The following NFATC3 variants were observed in gnomAD, a reference collection of about 807,000 sequenced individuals.
NFATC3 encodes nuclear factor of activated T-cells, cytoplasmic 3.
In NFATC3, 46 loss-of-function variants were observed where a neutral mutation model predicts 98.6. That is an observed-to-expected ratio of 0.47 (90% CI 0.37 to 0.60). The LOEUF is 0.60. Ranked by LOEUF, NFATC3 falls within the 20% of genes least tolerant of loss-of-function variation. The pLI is 0.00. For synonymous variants in NFATC3, 512 were observed against 472.2 expected (o/e 1.08, Z -1.09); for missense variants, 1,256 against 1,295.5 (o/e 0.97, Z 0.47).
At position 68,157,982 on chromosome 16, in the gene NFATC3, A is replaced by C. The variant is rs367576376; in HGVS notation, c.1515A>C (p.Thr505=). Residue 505 remains threonine, a synonymous_variant, in exon 4 of 10, where the codon ACA becomes ACC. Coordinates refer to ENST00000346183, the MANE Select transcript of NFATC3 (RefSeq NM_173165.3). The part of the protein sequence containing the change: ...FYQVHRITGK[T]VATASQEIII... Reference sequence around the variant, plus strand: ...AGGTGCATCGAATCACTGGGAAGACAGTCGCTACTGCAAGCCAAGAGATAA... The same window carrying C: ...AGGTGCATCGAATCACTGGGAAGACCGTCGCTACTGCAAGCCAAGAGATAA... The C allele has an allele frequency of 8.7e-6, 14 of 1,613,994 alleles. No homozygotes were observed. Among genetic ancestry groups the C allele is most frequent in the Admixed American group, 1.7e-5 (1 of 59,994 alleles).
intron 9 of NFATC3, among the ~76,000 whole-genome samples, chr16:68,220,594 CT>C (rs575448565): frequency 3.0e-3 from 414 of 139,374 alleles, no homozygotes; most frequent in Non-Finnish European, 3.6e-3. Flanking sequence ...TTTATTTTTC[CT>C]TTTTTTTTTT....
chr16:68,117,081 A>T (rs2036318106), intron 1 of NFATC3, among the ~76,000 whole-genome samples: 1 of 152,162 alleles, frequency 6.6e-6, no homozygotes. Flanking sequence ...ATATTATGGG[A>T]TCTAAAATTG....
intron 1 of NFATC3, chr16:68,089,016 T>C (rs2034559145): frequency 5.1e-6 from 5 of 985,474 alleles, no homozygotes; most frequent in Non-Finnish European, 6.0e-6. Context: ...GAATCATTGC[T>C]CACTGCTCTT....
chr16:68,167,110 T>C, intron 5 of NFATC3, 95 bp downstream of exon 5: 1 of 1,279,068 alleles, frequency 7.8e-7, no homozygotes, highest in Non-Finnish European at 1.1e-6. Context: ...AAGTGCAAAC[T>C]GAGGCATACA....
At chr16:68,207,683 G>A (rs2041207697) in intron 9 of NFATC3, among the ~76,000 whole-genome samples, 2 of 152,104 alleles carry the variant, frequency 1.3e-5, no homozygotes, top group South Asian at 4.1e-4. Flanking sequence ...ACACTGATCT[G>A]TCTTCTGACC....
chr16:68,194,282 C>T (rs2040567322), intron 9 of NFATC3, among the ~76,000 whole-genome samples: 1 of 152,152 alleles, frequency 6.6e-6, no homozygotes, highest in African/African-American at 2.4e-5. Context: ...CAAGGTTTTT[C>T]TAATTCCTGG....
chr16:68,176,474 A>G (rs2039713437), intron 6 of NFATC3, among the ~76,000 whole-genome samples: 1 of 151,908 alleles, frequency 6.6e-6, no homozygotes, highest in African/African-American at 2.4e-5. Flanking sequence ...TCACTACTAT[A>G]AAGTTTTTCG....
intron 1 of NFATC3, among the ~76,000 whole-genome samples, chr16:68,112,418 C>T (rs951010073): frequency 4.0e-5 from 6 of 151,096 alleles, no homozygotes; most frequent in South Asian, 2.1e-4. Flanking sequence ...GCTGGGACTA[C>T]AGGCACACAC....
At chr16:68,108,911 T>C (rs1161699233) in intron 1 of NFATC3, among the ~76,000 whole-genome samples, 4 of 152,202 alleles carry the variant, frequency 2.6e-5, no homozygotes, top group Admixed American at 6.6e-5. Flanking sequence ...CTTGTGACTT[T>C]TGCACATTGA....
chr16:68,124,241 A>G lies in NFATC3; in HGVS notation c.1238+1120A>G, dbSNP rs537158496. Among the ~76,000 whole-genome samples, 7 of 152,030 alleles carry G rather than the reference A, an allele frequency of 4.6e-5. No individual in the cohort carries two copies. The South Asian group carries it at 1.5e-3, about 32-fold the overall frequency. On this transcript the variant is annotated intron_variant, in intron 2 of 9. Transcript: ENST00000346183. ...CTCAGGCTCCTGAGTGGCTGGGACT[A>G]TAGGCGTATACCACCACACTCAATT...
At chr16:68,204,548 T>C (rs927596518) in intron 9 of NFATC3, among the ~76,000 whole-genome samples, 1 of 152,224 alleles carries the variant, frequency 6.6e-6, no homozygotes, top group South Asian at 2.1e-4. Context: ...CCCAGCGTTA[T>C]ATGGCCACAA....
Position 68,191,493 on chromosome 16 carries a change from C to A in NFATC3, c.2824C>A (p.Pro942Thr). Residue 942 changes from proline to threonine, a missense_variant, in exon 9 of 10, where the codon CCA becomes ACA. Physicochemically the swap from Pro to Thr is conservative, Grantham distance 38. Coordinates refer to ENST00000346183, the MANE Select transcript of NFATC3 (RefSeq NM_173165.3). ...CTTGGCTAGTTCACCGCTTTCTGGGCCACCATCTCCTCAGCTTCAGCCTAT... is the reference window on the plus strand; with the variant it reads ...CTTGGCTAGTTCACCGCTTTCTGGGACACCATCTCCTCAGCTTCAGCCTAT... ...HPLASSPLSGPPSPQLQPMPY... is the reference protein window; with the variant it reads ...HPLASSPLSGTPSPQLQPMPY... 6.2e-7 allele frequency: 1 copy of A among 1,614,132 alleles called. No homozygotes were observed. The highest frequency in any genetic ancestry group is 8.5e-7 in the Non-Finnish European group (1 of 1,180,040).
rs747512112 is a variant in NFATC3, at chr16:68,126,425, ATC to A, written c.1239-21_1239-20del. ...TGGCAATAATAGCATGGTGACATGCATCTTTGTGTGTTTTGTTTGTAGCACAT... is the reference window on the plus strand; with the variant it reads ...TGGCAATAATAGCATGGTGACATGCATTTGTGTGTTTTGTTTGTAGCACAT... On this transcript the variant is annotated intron_variant, in intron 2 of 9. Coordinates refer to ENST00000346183, the MANE Select transcript of NFATC3 (RefSeq NM_173165.3). The A allele has an allele frequency of 1.1e-4, 180 of 1,596,326 alleles. 3 individuals carry two copies. In the South Asian group the frequency reaches 1.5e-3, roughly 13 times the overall value.
chr16:68,108,217 A>G (rs1168970219), intron 1 of NFATC3, among the ~76,000 whole-genome samples: 1 of 152,148 alleles, frequency 6.6e-6, no homozygotes, highest in Admixed American at 6.6e-5. Flanking sequence ...GGGGTTTTAC[A>G]TTGAAGTCTT....
At chr16:68,224,078 C>T (rs991866721) in intron 9 of NFATC3, among the ~76,000 whole-genome samples, 1 of 144,178 alleles carries the variant, frequency 6.9e-6, no homozygotes, top group African/African-American at 2.6e-5. Context: ...AACCCCGTCT[C>T]TACTAAAAAT....
intron 1 of NFATC3, among the ~76,000 whole-genome samples, chr16:68,120,863 A>G (rs1321603147): frequency 2.0e-5 from 3 of 152,218 alleles, no homozygotes; most frequent in Admixed American, 6.5e-5. Context: ...TACAGGTCAT[A>G]TTCAAAATCT....
At chr16:68,105,210 C>T (rs2035590633) in intron 1 of NFATC3, among the ~76,000 whole-genome samples, 1 of 151,436 alleles carries the variant, frequency 6.6e-6, no homozygotes, top group Admixed American at 6.6e-5. Context: ...CCTGCCTCAG[C>T]CTCCCAAGTA....
At position 68,226,918 on chromosome 16, in the gene NFATC3, A is replaced by AAAAAAAAAAAAAAAAAAAAAAAAG. The variant is rs2042050120; in HGVS notation, c.*452_*453insAAAAAAAAAAAAAAAAAAGAAAAA. 8.5e-6 allele frequency: 1 copy of AAAAAAAAAAAAAAAAAAAAAAAAG among 117,312 alleles called. No homozygotes were observed. The highest frequency in any genetic ancestry group is 2.6e-5 in the African/African-American group (1 of 38,094). The allele number at this position is 117,312 out of a possible 1,614,324, so 7.3% of individuals were successfully genotyped here. A position where few individuals can be genotyped will look rare whatever the true frequency, so the allele number is the denominator to read the frequency against. On this transcript the variant is annotated 3_prime_UTR_variant, in exon 10 of 10. Transcript: ENST00000346183. ...GAAGCAAAAAAAAAAAAAAAAAAAA[A>AAAAAAAAAAAAAAAAAAAAAAAAG]AAAAAGAAAAAAAAAGAAAAGAAAA...
intron 2 of NFATC3, among the ~76,000 whole-genome samples, chr16:68,124,661 C>T (rs542737615): frequency 9.2e-5 from 14 of 152,008 alleles, no homozygotes; most frequent in Admixed American, 6.6e-4. Context: ...TCTCCATCTC[C>T]TGACCTCGTG....
Sources: gnomAD v4.1 joint callset for allele counts (sites outside exome capture counted in the v4.1 genomes callset) on GRCh38, gnomAD v4.1.1 for gene constraint, MANE v1.5 for transcripts, NCBI Gene and HGNC (gene_info 2026-07-23, HGNC 2026-07-21) for gene names.